PARD3: variants seen among roughly 807,000 people sequenced by gnomAD.
The protein encoded by PARD3 is par-3 family cell polarity regulator.
In PARD3, 75 loss-of-function variants were observed where a neutral mutation model predicts 155.4. The observed-to-expected ratio is 0.48, with a 90% CI of 0.40 to 0.58. PARD3 has a LOEUF of 0.58. PARD3 is among the 20% of genes least tolerant of loss of function. The pLI is 0.00. For missense variants in PARD3, 1,642 were observed against 1,721.7 expected, an observed-to-expected ratio of 0.95 and a Z score of 0.82; for synonymous variants, 576 against 610.5, an observed-to-expected ratio of 0.94 and a Z score of 0.83.
intron 22 of PARD3, among the ~76,000 whole-genome samples, chr10:34,185,776 A>G (rs778225898): frequency 3.8e-4 from 57 of 150,608 alleles, no homozygotes; most frequent in Non-Finnish European, 6.8e-4. Flanking sequence ...GTAGGCAGCC[A>G]GGTAAAATAA....
intron 12 of PARD3, among the ~76,000 whole-genome samples, chr10:34,371,884 T>C (rs1473372973): frequency 6.6e-6 from 1 of 152,138 alleles, no homozygotes; most frequent in Admixed American, 6.5e-5. Flanking sequence ...CTTCCTTTTA[T>C]TGTGTTAGTT....
chr10:34,167,531 C>A (rs1949591347), intron 22 of PARD3, among the ~76,000 whole-genome samples: 1 of 151,136 alleles, frequency 6.6e-6, no homozygotes, highest in African/African-American at 2.4e-5. Context: ...CCAAAGCCCC[C>A]AAAACCCTCA....
chr10:34,815,162 T>TGCCCG lies in PARD3; in HGVS notation c.-172_-168dup, dbSNP rs1844749046. 1 of 183,962 alleles carries TGCCCG rather than the reference T, an allele frequency of 5.4e-6. No homozygotes were observed. The highest frequency in any genetic ancestry group is 1.0e-5 in the Non-Finnish European group (1 of 97,122). The allele number at this position is 183,962 out of a possible 1,614,324, so 11.4% of individuals were successfully genotyped here. Reference sequence around the variant, plus strand: ...ACGCCGGGGGGCCGCTCAGCTCGCATGCCCGGCCCGGCCGCCCTCGCCTCG... The same window carrying TGCCCG: ...ACGCCGGGGGGCCGCTCAGCTCGCATGCCCGGCCCGGCCCGGCCGCCCTCGCCTCG... On this transcript the variant is annotated 5_prime_UTR_variant, in exon 1 of 25. Transcript: ENST00000374788.
intron 4 of PARD3, among the ~76,000 whole-genome samples, chr10:34,459,049 G>C (rs1319949517): frequency 2.6e-5 from 4 of 152,194 alleles, no homozygotes; most frequent in Non-Finnish European, 5.9e-5. Flanking sequence ...TAAACATGAG[G>C]AGCAACATTT....
chr10:34,683,411 C>T (rs1329664638), intron 2 of PARD3, among the ~76,000 whole-genome samples: 1 of 151,380 alleles, frequency 6.6e-6, no homozygotes, highest in Non-Finnish European at 1.5e-5. Flanking sequence ...AAACAAAAAA[C>T]TCGTAAGATA....
chr10:34,226,366 A>G (rs1283647524), intron 22 of PARD3, among the ~76,000 whole-genome samples: 3 of 152,168 alleles, frequency 2.0e-5, no homozygotes, highest in Non-Finnish European at 4.4e-5. Context: ...CCTGACCAAC[A>G]TGGTGAAACC....
chr10:34,758,800 T>G lies in PARD3; in HGVS notation c.120+56076A>C, dbSNP rs60371205. Among the ~76,000 whole-genome samples, 518 of 152,348 alleles carry G rather than the reference T, an allele frequency of 3.4e-3. 1 individual carries two copies. Among genetic ancestry groups the G allele is most frequent in the African/African-American group, 0.012 (494 of 41,580 alleles). On this transcript the variant is annotated intron_variant, in intron 1 of 24. Transcript: ENST00000374788. ...AGCCCACCCTGTGAAAGGGCACACC[T>G]GGAAGCTCCTTAAGTTGGTGACGGA...
At chr10:34,426,111 A>C (rs1345168882) in intron 5 of PARD3, among the ~76,000 whole-genome samples, 1 of 152,210 alleles carries the variant, frequency 6.6e-6, no homozygotes, top group African/African-American at 2.4e-5. Flanking sequence ...TTTCAACCGT[A>C]CAAGTAATAG....
At chr10:34,447,154 A>G (rs1230916295) in intron 5 of PARD3, among the ~76,000 whole-genome samples, 1 of 152,138 alleles carries the variant, frequency 6.6e-6, no homozygotes, top group Non-Finnish European at 1.5e-5. Flanking sequence ...AAGGTAGGAC[A>G]TCACCTCACA....
At chr10:34,665,090 T>A (rs1460126296) in intron 2 of PARD3, among the ~76,000 whole-genome samples, 1 of 151,950 alleles carries the variant, frequency 6.6e-6, no homozygotes, top group Non-Finnish European at 1.5e-5. Flanking sequence ...ATTACAAAGT[T>A]TTTTTTAAAA....
chr10:34,424,585 G>A (rs2075490751), intron 5 of PARD3, among the ~76,000 whole-genome samples: 1 of 152,074 alleles, frequency 6.6e-6, no homozygotes, highest in African/African-American at 2.4e-5. Flanking sequence ...CATGGTCTCA[G>A]CTCACTGCAA....
chr10:34,326,930 T>C lies in PARD3; in HGVS notation c.2833+4187A>G, dbSNP rs145730148. Among the ~76,000 whole-genome samples the C allele has an allele frequency of 2.9e-3, 439 of 152,318 alleles. 2 individuals carry two copies. Among genetic ancestry groups the C allele is most frequent in the African/African-American group, 9.7e-3 (402 of 41,574 alleles). On this transcript the variant is annotated intron_variant, in intron 19 of 24. Coordinates refer to ENST00000374788, the MANE Select transcript of PARD3 (RefSeq NM_001184785.2). ...TGAACTTGATATATCTTAAAATCAA[T>C]AGGTATAATTAATAGGAGATATTTA...
intron 2 of PARD3, among the ~76,000 whole-genome samples, chr10:34,674,048 C>A (rs182839480): frequency 6.6e-6 from 1 of 150,776 alleles, no homozygotes; most frequent in Non-Finnish European, 1.5e-5. Context: ...ATATTCTTAG[C>A]AAGTAGTTTT....
At chr10:34,554,611 T>C (rs1268635430) in intron 2 of PARD3, among the ~76,000 whole-genome samples, 2 of 152,226 alleles carry the variant, frequency 1.3e-5, no homozygotes. Context: ...AAAATAAATC[T>C]AGCAGTTACA....
rs375158137 is a variant in PARD3, at chr10:34,646,636, C to T, written c.222+49682G>A. Reference sequence around the variant, plus strand: ...TTCTTGGTCATTACTTAGATGGGAGCGTTTCCCACATCACATCTCTAATTC... The same window carrying T: ...TTCTTGGTCATTACTTAGATGGGAGTGTTTCCCACATCACATCTCTAATTC... On this transcript the variant is annotated intron_variant, in intron 2 of 24. Transcript: ENST00000374788. Among the ~76,000 whole-genome samples the T allele has an allele frequency of 4.6e-5, 7 of 152,260 alleles. No homozygotes were observed. In the South Asian group the frequency reaches 8.3e-4, roughly 18 times the overall value.
intron 5 of PARD3, among the ~76,000 whole-genome samples, chr10:34,438,078 G>A (rs1043051230): frequency 1.3e-5 from 2 of 152,110 alleles, no homozygotes; most frequent in Non-Finnish European, 2.9e-5. Flanking sequence ...GCTTTCCCAC[G>A]GCTAGTGTGA....
chr10:34,353,728 A>AAAATAAATAAAT (rs1043098677), intron 14 of PARD3, among the ~76,000 whole-genome samples: 1 of 105,958 alleles, frequency 9.4e-6, no homozygotes, highest in Admixed American at 9.9e-5. Flanking sequence ...AATAAATAAA[A>AAAATAAATAAAT]AAATAAATAA....
intron 2 of PARD3, among the ~76,000 whole-genome samples, chr10:34,678,512 G>A (rs896602107): frequency 1.3e-5 from 2 of 151,830 alleles, no homozygotes; most frequent in African/African-American, 4.8e-5. Context: ...GAGATGTTTG[G>A]GTAACATCAG....
intron 3 of PARD3, among the ~76,000 whole-genome samples, chr10:34,513,882 G>C (rs538876235): frequency 6.6e-6 from 1 of 152,132 alleles, no homozygotes; most frequent in Non-Finnish European, 1.5e-5. Flanking sequence ...AACTCCACCA[G>C]TTGTCACAAC....
Sources: gnomAD v4.1 joint callset for allele counts (sites outside exome capture counted in the v4.1 genomes callset) on GRCh38, gnomAD v4.1.1 for gene constraint, MANE v1.5 for transcripts, NCBI Gene and HGNC (gene_info 2026-07-23, HGNC 2026-07-21) for gene names.